Variants in PTPRN2 observed in about 807,000 individuals in gnomAD.
PTPRN2 encodes the protein receptor-type tyrosine-protein phosphatase N2.
PTPRN2 carries 74 observed loss-of-function variants against 118.8 expected under a neutral mutation model. The ratio of observed to expected loss-of-function variants is 0.62; its 90% CI spans 0.52 to 0.76. The LOEUF is 0.76. Ranked by LOEUF, PTPRN2 falls within the 30% of genes least tolerant of loss-of-function variation. The pLI is 0.00. For synonymous variants in PTPRN2, 641 were observed against 608.0 expected, an observed-to-expected ratio of 1.05 and a Z score of -0.80; for missense variants, 1,481 against 1,394.4, an observed-to-expected ratio of 1.06 and a Z score of -0.99.
intron 3 of PTPRN2, among the ~76,000 whole-genome samples, chr7:158,265,319 C>A (rs191891484): frequency 1.1e-3 from 171 of 152,280 alleles, no homozygotes; most frequent in Admixed American, 3.7e-3. Flanking sequence ...CAGGCACACA[C>A]CTGCAGGGGC....
chr7:157,682,972 T>C, intron 12 of PTPRN2, 35 bp from the exon 13 acceptor site: 1 of 1,507,696 alleles, frequency 6.6e-7, no homozygotes, highest in Non-Finnish European at 9.2e-7. Flanking sequence ...TGTTAGCTCC[T>C]GACAAAGCAT....
intron 1 of PTPRN2, among the ~76,000 whole-genome samples, chr7:158,569,218 C>T (rs910327110): frequency 2.0e-5 from 3 of 152,268 alleles, no homozygotes; most frequent in East Asian, 1.9e-4. Context: ...AGGAATGCAG[C>T]GTTTCCACGG....
chr7:157,645,402 T>C (rs1012347066), intron 14 of PTPRN2, among the ~76,000 whole-genome samples: 1 of 152,234 alleles, frequency 6.6e-6, no homozygotes, highest in East Asian at 1.9e-4. Flanking sequence ...ACCATGTCTA[T>C]GGCACTAGGG....
chr7:158,586,080 G>A (rs1828890517), intron 1 of PTPRN2, among the ~76,000 whole-genome samples: 1 of 152,226 alleles, frequency 6.6e-6, no homozygotes, highest in Non-Finnish European at 1.5e-5. Context: ...TGGGGGCACA[G>A]TGACTGGGCT....
rs111595210 is a variant in PTPRN2 at position 158,372,442 on chromosome 7, C to A, written c.164-55510G>T. 1.4e-4 allele frequency among the ~76,000 whole-genome samples: 20 copies of A among 142,850 alleles called. 1 individual carries two copies. The highest frequency in any genetic ancestry group is 2.5e-4 in the Non-Finnish European group (16 of 64,912). 93.7% of individuals were successfully genotyped at this position (142,850 alleles called of 152,430 possible). A position where few individuals can be genotyped will look rare whatever the true frequency, so the allele number is the denominator to read the frequency against. ...CCAACACTGGTCCCCGAAGCTGGTC[C>A]CCCCAATGCTGGTCCCTGGAGCTGA... On this transcript the variant is annotated intron_variant, in intron 2 of 22. Coordinates refer to ENST00000389418, the MANE Select transcript of PTPRN2 (RefSeq NM_002847.5).
chr7:158,398,430 G>C (rs1812693092), intron 2 of PTPRN2, among the ~76,000 whole-genome samples: 1 of 152,204 alleles, frequency 6.6e-6, no homozygotes, highest in Non-Finnish European at 1.5e-5. Flanking sequence ...AGCCAGGTGG[G>C]GCTCGGTGAG....
chr7:158,267,615 C>A (rs913533636), intron 3 of PTPRN2, among the ~76,000 whole-genome samples: 1 of 152,204 alleles, frequency 6.6e-6, no homozygotes, highest in Admixed American at 6.5e-5. Context: ...GGCCTGGGGG[C>A]CTGCCCCTCG....
At chr7:157,827,267 T>C (rs113391283) in intron 12 of PTPRN2, among the ~76,000 whole-genome samples, 7 of 152,138 alleles carry the variant, frequency 4.6e-5, no homozygotes, top group African/African-American at 1.7e-4. Flanking sequence ...CACCCTGCAT[T>C]TGGGTTTTCA....
chr7:157,682,073 A>G (rs1470898999), intron 13 of PTPRN2, among the ~76,000 whole-genome samples: 1 of 152,206 alleles, frequency 6.6e-6, no homozygotes, highest in African/African-American at 2.4e-5. Context: ...ACAATACTAA[A>G]TACGAAATGT....
chr7:158,111,242 G>T (rs549820863), intron 9 of PTPRN2, among the ~76,000 whole-genome samples: 14 of 152,350 alleles, frequency 9.2e-5, no homozygotes, highest in East Asian at 3.9e-4. Context: ...GACTGAGGAT[G>T]GGGCGGATCC....
intron 3 of PTPRN2, among the ~76,000 whole-genome samples, chr7:158,222,364 T>TAC (rs1197257332): frequency 7.9e-5 from 12 of 152,010 alleles, no homozygotes; most frequent in Admixed American, 7.9e-4. Context: ...GAAAATACGG[T>TAC]ACACATACAC....
In PTPRN2 at chr7:158,574,163, CT is replaced by C. The variant is rs1828199078; in HGVS notation, c.112+13394del. Among the ~76,000 whole-genome samples, 2 of 152,164 alleles carry C rather than the reference CT, an allele frequency of 1.3e-5. No homozygotes were observed. The highest frequency in any genetic ancestry group is 4.8e-5 in the African/African-American group (2 of 41,424). The stretch of plus-strand genomic sequence containing the variant: ...TGCATATTTTCAGTAGTGATGAGCA[CT>C]GTTCTCAGCATATATTGTGCATCGA... On this transcript the variant is annotated intron_variant, in intron 1 of 22. Transcript: ENST00000389418. This position sits in a 1 kb window ranked among gnomAD's most constrained non-coding sequence, Gnocchi z 4.6.
intron 12 of PTPRN2, among the ~76,000 whole-genome samples, chr7:157,876,925 G>A (rs754861565): frequency 1.1e-4 from 16 of 152,198 alleles, no homozygotes; most frequent in Admixed American, 6.5e-4. Context: ...GTTCTGAAAT[G>A]GGCCTTGATG....
At chr7:158,359,869 A>G (rs999915799) in intron 2 of PTPRN2, among the ~76,000 whole-genome samples, 1 of 152,064 alleles carries the variant, frequency 6.6e-6, no homozygotes, top group Non-Finnish European at 1.5e-5. Context: ...AATATACAGC[A>G]CCTTAGCTTG....
intron 12 of PTPRN2, among the ~76,000 whole-genome samples, chr7:157,727,406 TG>T: frequency 6.6e-6 from 1 of 152,178 alleles, no homozygotes; most frequent in South Asian, 2.1e-4. Context: ...CAGGGAACCC[TG>T]GGGACACTGC....
chr7:158,225,226 C>T (rs1437491046), intron 3 of PTPRN2, among the ~76,000 whole-genome samples: 1 of 151,960 alleles, frequency 6.6e-6, no homozygotes, highest in East Asian at 1.9e-4. Context: ...GAACCCCTGA[C>T]CATTCATCCC....
chr7:158,248,961 G>T (rs1255809595), intron 3 of PTPRN2, among the ~76,000 whole-genome samples: 3 of 139,664 alleles, frequency 2.1e-5, no homozygotes, highest in African/African-American at 8.1e-5. Context: ...TCACATACAT[G>T]CACATACACG....
At chr7:157,558,044 GGA>G (rs985534091) in intron 21 of PTPRN2, among the ~76,000 whole-genome samples, 1 of 87,156 alleles carries the variant, frequency 1.1e-5, no homozygotes, top group African/African-American at 4.5e-5. Context: ...CGGAGACACC[GGA>G]CCTCTGCACC....
At chr7:158,146,370 T>C (rs1001526846) in intron 6 of PTPRN2, among the ~76,000 whole-genome samples, 3 of 152,162 alleles carry the variant, frequency 2.0e-5, no homozygotes, top group Non-Finnish European at 4.4e-5. Context: ...TACCCATTGA[T>C]TGCACCAACC....
Sources: allele counts gnomAD v4.1 joint callset (sites outside exome capture counted in the v4.1 genomes callset), GRCh38; gene constraint gnomAD v4.1.1; non-coding constraint Gnocchi (gnomAD v3.1); transcripts MANE v1.5; gene names NCBI Gene and HGNC (gene_info 2026-07-23, HGNC 2026-07-21).